NDRG1: variants seen among roughly 807,000 people sequenced by gnomAD.
NDRG1 encodes N-myc downstream regulated 1.
NDRG1 carries 32 observed loss-of-function variants against 56.9 expected under a neutral mutation model. That is an observed-to-expected ratio of 0.56 (90% CI 0.42 to 0.76). The LOEUF is 0.76. Among genes scored for constraint, NDRG1 ranks in the 30% least tolerant of loss-of-function variants. NDRG1 has a pLI of 0.00. For missense variants in NDRG1, 507 were observed against 545.7 expected (o/e 0.93, Z 0.71); for synonymous variants, 211 against 204.1 (o/e 1.03, Z -0.29).
At chr8:133,275,516 CTCTA>C (rs1281434018) in intron 3 of NDRG1, among the ~76,000 whole-genome samples, 5 of 152,122 alleles carry the variant, frequency 3.3e-5, no homozygotes, top group African/African-American at 9.7e-5. Flanking sequence ...ACGTGACTGG[CTCTA>C]TCTATCTTTT....
At position 133,237,707 on chromosome 8, in the gene NDRG1, C is replaced by A. The variant is rs1564275895; in HGVS notation, c.*1171G>T. The A allele has an allele frequency of 8.7e-6, 2 of 230,240 alleles. No homozygotes were observed. The highest frequency in any genetic ancestry group is 1.7e-5 in the Non-Finnish European group (2 of 117,054). The allele number at this position is 230,240 out of a possible 1,614,324, so 14.3% of individuals were successfully genotyped here. ...ACGTGAGTTCCCACCCCCACCCCGACAAGAGCAAAGAGTTCTGAGGATCCA... is the reference window on the plus strand; with the variant it reads ...ACGTGAGTTCCCACCCCCACCCCGAAAAGAGCAAAGAGTTCTGAGGATCCA... On this transcript the variant is annotated 3_prime_UTR_variant, in exon 16 of 16. Coordinates refer to ENST00000323851, the MANE Select transcript of NDRG1 (RefSeq NM_006096.4).
intron 2 of NDRG1, 79 bp from the exon 3 acceptor site, chr8:133,280,346 C>G: frequency 7.3e-7 from 1 of 1,377,264 alleles, no homozygotes; most frequent in African/African-American, 1.4e-5. Flanking sequence ...ATGGGCCTTT[C>G]TATGACCTGA....
Position 133,248,650 on chromosome 8 carries a change from A to G in NDRG1, c.755+65T>C, listed in dbSNP as rs147793774. 215 of 1,577,792 alleles carry G rather than the reference A, an allele frequency of 1.4e-4. 2 individuals carry two copies. The Middle Eastern group carries it at 2.8e-3, about 21-fold the overall frequency. On this transcript the variant is annotated intron_variant, in intron 11 of 15. Transcript: ENST00000323851. ...CCACACTCAGAAAGAAGGCCCTGCC[A>G]GCAAGGCCACCTTTATAGTGGGCAG...
At chr8:133,265,897 C>T (rs1856894786) in intron 3 of NDRG1, among the ~76,000 whole-genome samples, 1 of 152,246 alleles carries the variant, frequency 6.6e-6, no homozygotes, top group Non-Finnish European at 1.5e-5. Context: ...CCCGAGGACC[C>T]CAGTCACTCA....
At chr8:133,268,318 AC>A (rs1244052658) in intron 3 of NDRG1, among the ~76,000 whole-genome samples, 1 of 151,886 alleles carries the variant, frequency 6.6e-6, no homozygotes, top group Non-Finnish European at 1.5e-5. Context: ...TCCTGATAAG[AC>A]CCCCAGGGTT....
intron 7 of NDRG1, among the ~76,000 whole-genome samples, chr8:133,257,446 C>T (rs1856444249): frequency 6.6e-6 from 1 of 152,152 alleles, no homozygotes; most frequent in African/African-American, 2.4e-5. Flanking sequence ...GTATAGTCTA[C>T]AACTCACCAA....
At chr8:133,241,991 G>C (rs781454335) in intron 15 of NDRG1, 32 bp downstream of exon 15, 1 of 1,613,376 alleles carries the variant, frequency 6.2e-7, no homozygotes. Context: ...CACATGCCCC[G>C]ACCCACTGCA....
chr8:133,290,380 G>C lies in NDRG1; in HGVS notation c.-18-6051C>G, dbSNP rs577785603. On this transcript the variant is annotated intron_variant, in intron 1 of 15. Coordinates refer to ENST00000323851, the MANE Select transcript of NDRG1 (RefSeq NM_006096.4). ...GTGGCACTAACTGGACTCTAAACCCGGTACTTCCTTTAAGCCTCACAGAAA... is the reference window on the plus strand; with the variant it reads ...GTGGCACTAACTGGACTCTAAACCCCGTACTTCCTTTAAGCCTCACAGAAA... 1.3e-5 allele frequency among the ~76,000 whole-genome samples: 2 copies of C among 152,212 alleles called. 1 individual carries two copies. Among genetic ancestry groups the C allele is most frequent in the African/African-American group, 4.8e-5 (2 of 41,518 alleles).
At chr8:133,269,590 C>T (rs1002463899) in intron 3 of NDRG1, among the ~76,000 whole-genome samples, 7 of 152,256 alleles carry the variant, frequency 4.6e-5, no homozygotes, top group Non-Finnish European at 8.8e-5. Context: ...CAAGGCCACA[C>T]AGCTGGAATA....
rs899516376 is a variant in NDRG1, at chr8:133,237,608, A to T, written c.*1270T>A. On this transcript the variant is annotated 3_prime_UTR_variant, in exon 16 of 16. Transcript: ENST00000323851. ...AAAGGTTAGGGAGCAGGAAAAGAGG[A>T]AGCAGGAGAGGGAAGGAAAGTCCCA... 2 of 233,060 alleles carry T rather than the reference A, an allele frequency of 8.6e-6. No homozygotes were observed. The allele number at this position is 233,060 out of a possible 1,614,324, so 14.4% of individuals were successfully genotyped here. A position where few individuals can be genotyped will look rare whatever the true frequency, so the allele number is the denominator to read the frequency against.
chr8:133,259,377 C>A, intron 5 of NDRG1, 147 bp from the exon 6 acceptor site: 1 of 759,990 alleles, frequency 1.3e-6, no homozygotes, highest in Admixed American at 2.0e-5. Flanking sequence ...CCTTCGCATC[C>A]TCCTTCCAAG....
chr8:133,264,756 T>A, intron 3 of NDRG1, 104 bp from the exon 4 acceptor site: 2 of 982,896 alleles, frequency 2.0e-6, no homozygotes, highest in African/African-American at 1.6e-5. Context: ...GGAAGCTCTC[T>A]TCTCATCTGG....
intron 6 of NDRG1, 65 bp downstream of exon 6, chr8:133,259,103 G>T: frequency 1.3e-6 from 2 of 1,542,570 alleles, no homozygotes; most frequent in Non-Finnish European, 1.8e-6. Context: ...AAAGCCAAGG[G>T]GCAGGAAGAT....
intron 15 of NDRG1, chr8:133,239,463 A>G: frequency 2.1e-6 from 1 of 466,506 alleles, no homozygotes; most frequent in Non-Finnish European, 4.0e-6. Context: ...TTAAATACTG[A>G]CCCCTGGTAT....
intron 10 of NDRG1, chr8:133,249,198 C>A (rs1230887646): frequency 3.4e-6 from 1 of 294,058 alleles, no homozygotes; most frequent in Non-Finnish European, 6.6e-6. Context: ...CCCAAATGAT[C>A]TCTTTAAAAC....
intron 3 of NDRG1, among the ~76,000 whole-genome samples, chr8:133,279,850 G>A (rs966336428): frequency 4.6e-5 from 7 of 152,176 alleles, no homozygotes; most frequent in African/African-American, 1.4e-4. Flanking sequence ...CACAGAGAAG[G>A]CTGGTTTCAG....
chr8:133,262,280 T>C (rs925490138), intron 4 of NDRG1, 113 bp from the exon 5 acceptor site: 1 of 1,367,886 alleles, frequency 7.3e-7, no homozygotes, highest in African/African-American at 1.4e-5. Context: ...AAGTAGGAAG[T>C]GAACTTAGAA....
At chr8:133,239,413 C>T in intron 15 of NDRG1, 1 of 577,184 alleles carries the variant, frequency 1.7e-6, no homozygotes, top group East Asian at 2.9e-5. Flanking sequence ...TTGAGAGTGT[C>T]CCCCTGAGCC....
intron 9 of NDRG1, among the ~76,000 whole-genome samples, chr8:133,254,149 A>G (rs1016089031): frequency 2.0e-5 from 3 of 152,178 alleles, no homozygotes; most frequent in Non-Finnish European, 4.4e-5. Flanking sequence ...AAAGCAATCT[A>G]TAGAGGCCAA....
Sources: allele counts gnomAD v4.1 joint callset (sites outside exome capture counted in the v4.1 genomes callset), GRCh38; gene constraint gnomAD v4.1.1; transcripts MANE v1.5; gene names NCBI Gene and HGNC (gene_info 2026-07-23, HGNC 2026-07-21).